Variants in NHEJ1 observed in about 807,000 individuals in gnomAD.
The protein encoded by NHEJ1 is non-homologous end joining factor 1, also known as non-homologous end-joining factor 1.
In NHEJ1, 22 loss-of-function variants were observed where a neutral mutation model predicts 39.4. The observed-to-expected ratio is 0.56, with a 90% confidence interval of 0.40 to 0.80. NHEJ1 has a LOEUF of 0.80. NHEJ1 is among the 30% of genes least tolerant of loss of function. NHEJ1 has a pLI of 0.00. For synonymous variants in NHEJ1, 154 were observed against 135.6 expected, an observed-to-expected ratio of 1.14 and a Z score of -0.94; for missense variants, 329 against 357.1, an observed-to-expected ratio of 0.92 and a Z score of 0.63.
At position 219,111,313 on chromosome 2, in the gene NHEJ1, T is replaced by A. The variant is rs1363168176; in HGVS notation, c.589-33107A>T. 6.6e-6 allele frequency among the ~76,000 whole-genome samples: 1 copy of A among 152,200 alleles called. No individual in the cohort carries two copies. Among genetic ancestry groups the A allele is most frequent in the Admixed American group, 6.5e-5 (1 of 15,280 alleles). On this transcript the variant is annotated intron_variant, in intron 5 of 7. Coordinates refer to ENST00000356853, the MANE Select transcript of NHEJ1 (RefSeq NM_024782.3). This position sits in a 1 kb window ranked among gnomAD's most constrained non-coding sequence, Gnocchi z 4.1. Reference sequence around the variant, plus strand: ...AAAATTAGAACCCAGGTTTCTTGGATAAGGGGTTAACACTCCTTAAAAAGC... The same window carrying A: ...AAAATTAGAACCCAGGTTTCTTGGAAAAGGGGTTAACACTCCTTAAAAAGC...
At chr2:219,151,446 C>T (rs1485646391) in intron 3 of NHEJ1, among the ~76,000 whole-genome samples, 1 of 152,204 alleles carries the variant, frequency 6.6e-6, no homozygotes, top group African/African-American at 2.4e-5. Context: ...GATAATGCCA[C>T]ATCAGGCAAC....
intron 5 of NHEJ1, chr2:219,125,665 C>G (rs1949508372): frequency 6.6e-6 from 1 of 152,212 alleles, no homozygotes; most frequent in Non-Finnish European, 1.5e-5. Context: ...TTTACTGATC[C>G]CTGCCGGTGA....
intron 5 of NHEJ1, among the ~76,000 whole-genome samples, chr2:219,134,479 A>T (rs1452258036): frequency 1.3e-5 from 2 of 152,024 alleles, no homozygotes; most frequent in African/African-American, 4.8e-5. Flanking sequence ...TGCTATTCTG[A>T]TTATCTTCCT....
intron 5 of NHEJ1, among the ~76,000 whole-genome samples, chr2:219,144,511 T>C (rs1185057738): frequency 3.3e-5 from 5 of 151,898 alleles, no homozygotes; most frequent in Admixed American, 2.0e-4. Context: ...CCAAACAAGG[T>C]GAAGCTGACA....
At chr2:219,153,361 T>C (rs1949816073) in intron 3 of NHEJ1, among the ~76,000 whole-genome samples, 1 of 152,192 alleles carries the variant, frequency 6.6e-6, no homozygotes, top group East Asian at 1.9e-4. Flanking sequence ...AAAACCTATC[T>C]CTTTCTTACA....
intron 4 of NHEJ1, 38 bp from the exon 5 acceptor site, chr2:219,146,776 A>C (rs1281433309): frequency 6.7e-7 from 1 of 1,485,078 alleles, no homozygotes; most frequent in Non-Finnish European, 9.4e-7. Flanking sequence ...AATATGAGTC[A>C]TACAGGATGA....
chr2:219,094,364 C>A (rs954055961), intron 5 of NHEJ1, among the ~76,000 whole-genome samples: 2 of 152,116 alleles, frequency 1.3e-5, no homozygotes, highest in African/African-American at 4.8e-5. Context: ...ACTGTGGAAG[C>A]GGAGGTTGTG....
At chr2:219,089,212 A>G (rs928977072) in intron 5 of NHEJ1, among the ~76,000 whole-genome samples, 1 of 152,206 alleles carries the variant, frequency 6.6e-6, no homozygotes, top group Non-Finnish European at 1.5e-5. Flanking sequence ...GAGTTACTAT[A>G]TGACCCAGCA....
intron 5 of NHEJ1, among the ~76,000 whole-genome samples, chr2:219,096,655 A>T (rs920153933): frequency 3.9e-5 from 6 of 152,216 alleles, no homozygotes; most frequent in Non-Finnish European, 8.8e-5. Flanking sequence ...GACATTTAGC[A>T]AAGATTTGAC....
chr2:219,132,360 C>T (rs948368343), intron 5 of NHEJ1, among the ~76,000 whole-genome samples: 1 of 152,202 alleles, frequency 6.6e-6, no homozygotes. Flanking sequence ...CTAAACTCAG[C>T]AATTTCGCTA....
At position 219,075,442 on chromosome 2, in the gene NHEJ1, C is replaced by A. The variant is rs1949003590; in HGVS notation, c.*939G>T. 1 of 152,066 alleles carries A rather than the reference C, an allele frequency of 6.6e-6. No individual in the cohort carries two copies. Among genetic ancestry groups the A allele is most frequent in the South Asian group, 2.1e-4 (1 of 4,812 alleles). 9.4% of individuals were successfully genotyped at this position (152,066 alleles called of 1,614,324 possible). ...TTTGAATAAGGAGGCATTTAACCAT[C>A]GAAAGTAAATAAACCAGAAATTGGA... On this transcript the variant is annotated 3_prime_UTR_variant, in exon 8 of 8. Coordinates refer to ENST00000356853, the MANE Select transcript of NHEJ1 (RefSeq NM_024782.3).
chr2:219,133,218 G>A (rs2106352271), intron 5 of NHEJ1, among the ~76,000 whole-genome samples: 1 of 152,308 alleles, frequency 6.6e-6, no homozygotes, highest in East Asian at 1.9e-4. Flanking sequence ...TTTTCAATGT[G>A]GCCCACTATG....
At position 219,078,090 on chromosome 2, in the gene NHEJ1, A is replaced by G. The variant is rs779739016; in HGVS notation, c.705T>C (p.Ala235=). ...EVQVGQKHQG[A]GDPHTSNSAS... ...ACCGGGTACCTCTGGAGGGCTCACC[A>G]GCGCCTTGATGCTTCTGTCCCACTT... The change falls in exon 6 of 8, where the codon GCT becomes GCC. Residue 235 remains alanine, a splice_region_variant and synonymous_variant. Coordinates refer to ENST00000356853, the MANE Select transcript of NHEJ1 (RefSeq NM_024782.3). The G allele has an allele frequency of 1.2e-6, 2 of 1,612,018 alleles. No individual in the cohort carries two copies. The highest frequency in any genetic ancestry group is 1.7e-6 in the Non-Finnish European group (2 of 1,178,030).
rs146887945 is a variant in NHEJ1 at position 219,074,816 on chromosome 2, C to T, written c.*1565G>A. ...TTTTTATATAGTTCCCAATTCACTT[C>T]GATGACAGTCACTACCACACAGCAC... On this transcript the variant is annotated 3_prime_UTR_variant, in exon 8 of 8. Coordinates refer to ENST00000356853, the MANE Select transcript of NHEJ1 (RefSeq NM_024782.3). Among the ~76,000 whole-genome samples the T allele has an allele frequency of 1.3e-5, 2 of 151,958 alleles. No homozygotes were observed. Among genetic ancestry groups the T allele is most frequent in the African/African-American group, 2.4e-5 (1 of 41,400 alleles).
At chr2:219,090,549 C>T (rs1358069561) in intron 5 of NHEJ1, among the ~76,000 whole-genome samples, 1 of 152,158 alleles carries the variant, frequency 6.6e-6, no homozygotes, top group African/African-American at 2.4e-5. Flanking sequence ...AGCTCATAGT[C>T]TAGATGAAGA....
chr2:219,160,524 T>C (rs899923885), intron 1 of NHEJ1, 196 bp downstream of exon 1: 9 of 152,036 alleles, frequency 5.9e-5, no homozygotes, highest in Admixed American at 2.6e-4. Flanking sequence ...ACTCGAGCCC[T>C]ACCATCCACG....
At chr2:219,128,614 C>G (rs886566517) in intron 5 of NHEJ1, among the ~76,000 whole-genome samples, 6 of 152,088 alleles carry the variant, frequency 3.9e-5, no homozygotes, top group Non-Finnish European at 7.3e-5. Context: ...TCCAAGCACG[C>G]GACTTCCAGC....
At chr2:219,113,267 C>A (rs1310489776) in intron 5 of NHEJ1, among the ~76,000 whole-genome samples, 3 of 152,020 alleles carry the variant, frequency 2.0e-5, no homozygotes, top group African/African-American at 4.8e-5. Context: ...GAATTTCCAA[C>A]GCTGCAGTCT....
rs1213481490 is a variant in NHEJ1 at position 219,074,968 on chromosome 2, G to A, written c.*1413C>T. Among the ~76,000 whole-genome samples the A allele has an allele frequency of 6.6e-6, 1 of 152,148 alleles. No homozygotes were observed. Among genetic ancestry groups the A allele is most frequent in the Non-Finnish European group, 1.5e-5 (1 of 68,022 alleles). The stretch of plus-strand genomic sequence containing the variant: ...AGGGTAAGTCCTGGAGTCCTCAAGA[G>A]CTCCTTCCTTGAAGAGCCCCTGGGG... On this transcript the variant is annotated 3_prime_UTR_variant, in exon 8 of 8. Transcript: ENST00000356853.
Sources: gnomAD v4.1 joint callset for allele counts (sites outside exome capture counted in the v4.1 genomes callset) on GRCh38, gnomAD v4.1.1 for gene constraint, Gnocchi (gnomAD v3.1) non-coding constraint, MANE v1.5 for transcripts, NCBI Gene and HGNC (gene_info 2026-07-23, HGNC 2026-07-21) for gene names.